Variants in GPBP1 observed in about 807,000 individuals in gnomAD.
The protein encoded by GPBP1 is GC-rich promoter binding protein 1, also known as vasculin.
A neutral mutation model predicts 56.5 loss-of-function variants in GPBP1; 13 were observed. That is an observed-to-expected ratio of 0.23 (90% CI 0.15 to 0.37). GPBP1 has a LOEUF of 0.37. GPBP1 is among the 10% of genes least tolerant of loss of function. GPBP1 has a pLI of 1.00. For missense variants in GPBP1, 477 were observed against 572.3 expected, an observed-to-expected ratio of 0.83 and a Z score of 1.70; for synonymous variants, 204 against 188.9, an observed-to-expected ratio of 1.08 and a Z score of -0.66.
chr5:57,181,854 T>C (rs1453405422), intron 2 of GPBP1, among the ~76,000 whole-genome samples: 5 of 152,214 alleles, frequency 3.3e-5, no homozygotes, highest in African/African-American at 1.2e-4. Flanking sequence ...GGTAAACTGT[T>C]TTGTGGTTGT....
chr5:57,177,754 G>A (rs1753855010), intron 2 of GPBP1, among the ~76,000 whole-genome samples: 1 of 144,530 alleles, frequency 6.9e-6, no homozygotes, highest in Middle Eastern at 3.2e-3. Flanking sequence ...TTGCGCCTTG[G>A]CTTCCCAAAG....
In GPBP1 at chr5:57,230,917, A is replaced by G. The variant is rs746922945; in HGVS notation, c.135A>G (p.Arg45=). The change falls in exon 4 of 12, where the codon CGA becomes CGG. Residue 45 remains arginine (R), a synonymous_variant. Coordinates refer to ENST00000506184, the MANE Select transcript of GPBP1 (RefSeq NM_022913.4). ...WTENRYDVNR[R]RHNSSDGFDS... ...AGAATCGTTATGATGTGAACCGTCG[A>G]CGACACAACTCTTCAGATGGCTTTG... The G allele has an allele frequency of 2.5e-6, 4 of 1,612,710 alleles. No individual in the cohort carries two copies. The Admixed American group carries it at 6.7e-5, about 27-fold the overall frequency.
chr5:57,213,379 A>AC (rs1402725978), intron 2 of GPBP1, among the ~76,000 whole-genome samples: 1 of 151,738 alleles, frequency 6.6e-6, no homozygotes, highest in Admixed American at 6.6e-5. Flanking sequence ...CATCATAACC[A>AC]CCACACCATT....
At chr5:57,258,830 G>A (rs775998839) in intron 10 of GPBP1, among the ~76,000 whole-genome samples, 2 of 152,134 alleles carry the variant, frequency 1.3e-5, no homozygotes, top group Non-Finnish European at 2.9e-5. Context: ...ACAGCCTCTG[G>A]TGGAGAAGTA....
intron 5 of GPBP1, among the ~76,000 whole-genome samples, 161 bp from the exon 6 acceptor site, chr5:57,235,805 C>T (rs1270791948): frequency 2.0e-5 from 3 of 152,146 alleles, no homozygotes; most frequent in Admixed American, 6.5e-5. Flanking sequence ...CACTGGCACT[C>T]AAAAAGTTTC....
chr5:57,217,630 G>GTAAC (rs1755756243), intron 3 of GPBP1, among the ~76,000 whole-genome samples: 1 of 152,134 alleles, frequency 6.6e-6, no homozygotes, highest in Non-Finnish European at 1.5e-5. Flanking sequence ...AGATCTACCT[G>GTAAC]TAACTGTCTA....
intron 9 of GPBP1, among the ~76,000 whole-genome samples, chr5:57,250,534 G>A (rs1189791914): frequency 4.1e-5 from 6 of 145,644 alleles, no homozygotes; most frequent in Non-Finnish European, 6.0e-5. Flanking sequence ...TAAGTATTAC[G>A]TTTATGGTTG....
rs185401257 is a variant in GPBP1 at position 57,262,916 on chromosome 5, G to T, written c.*164G>T. The T allele has an allele frequency of 5.1e-6, 3 of 583,768 alleles. No individual in the cohort carries two copies. The East Asian group carries it at 8.7e-5, about 17-fold the overall frequency. The allele number at this position is 583,768 out of a possible 1,614,324, so 36.2% of individuals were successfully genotyped here. A position where few individuals can be genotyped will look rare whatever the true frequency, so the allele number is the denominator to read the frequency against. On this transcript the variant is annotated 3_prime_UTR_variant, in exon 12 of 12. Coordinates refer to ENST00000506184, the MANE Select transcript of GPBP1 (RefSeq NM_022913.4). ...AAGAAAACCAAGAATGTTTTGTTGG[G>T]CTGTGTTGAACATTATTTCTTTGTA...
rs925902096 is a variant in GPBP1 at position 57,247,207 on chromosome 5, G to C, written c.796G>C (p.Val266Leu). ...AKNFSPSTNS[V>L]KECNRSNSSS... The stretch of plus-strand genomic sequence containing the variant: ...GAACTTTAGTCCATCTACAAATTCA[G>C]TGAAAGAGGTATGACATTAAAAATC... Residue 266 changes from valine to leucine, a missense_variant, in exon 8 of 12, where the codon GTG (valine) becomes CTG (leucine). Physicochemically the swap from Val to Leu is conservative, Grantham distance 32. Transcript: ENST00000506184. 9.3e-6 allele frequency: 15 copies of C among 1,612,012 alleles called. No individual in the cohort carries two copies. Among genetic ancestry groups the C allele is most frequent in the African/African-American group, 5.3e-5 (4 of 74,822 alleles).
intron 7 of GPBP1, 126 bp downstream of exon 7, chr5:57,246,610 C>A: frequency 1.5e-6 from 1 of 652,214 alleles, no homozygotes; most frequent in Non-Finnish European, 2.5e-6. Flanking sequence ...TTCTAGGTGG[C>A]AAGAGTTGAC....
chr5:57,253,204 C>A (rs529350066), intron 10 of GPBP1, among the ~76,000 whole-genome samples: 31 of 152,290 alleles, frequency 2.0e-4, no homozygotes, highest in African/African-American at 7.5e-4. Context: ...TAAATAACCA[C>A]ATGGTTCGGC....
rs193186035 is a variant in GPBP1 at position 57,214,519 on chromosome 5, A to T, written c.63+326A>T. ...AGAATCACTTGAATCTGGGAGGCAG[A>T]GGTTGTGGTGAGCTGAGGTCGCGCC... On this transcript the variant is annotated intron_variant, in intron 3 of 11. Coordinates refer to ENST00000506184, the MANE Select transcript of GPBP1 (RefSeq NM_022913.4). Among the ~76,000 whole-genome samples the T allele has an allele frequency of 1.7e-3, 256 of 152,260 alleles. 3 individuals are homozygous for T. Among genetic ancestry groups the T allele is most frequent in the Admixed American group, 0.013 (203 of 15,296 alleles).
At chr5:57,261,695 G>T (rs1218125074) in intron 11 of GPBP1, among the ~76,000 whole-genome samples, 6 of 152,102 alleles carry the variant, frequency 3.9e-5, no homozygotes, top group African/African-American at 1.4e-4. Context: ...TGGGGGAGGA[G>T]CAAGAGTGAT....
intron 2 of GPBP1, among the ~76,000 whole-genome samples, chr5:57,181,176 A>C (rs1754027282): frequency 6.6e-6 from 1 of 152,186 alleles, no homozygotes; most frequent in Non-Finnish European, 1.5e-5. Flanking sequence ...TCTACAAAAC[A>C]TAAAAAAAAT....
At chr5:57,188,254 A>AAG (rs1561324524) in intron 2 of GPBP1, among the ~76,000 whole-genome samples, 5 of 151,888 alleles carry the variant, frequency 3.3e-5, no homozygotes, top group Admixed American at 2.6e-4. Flanking sequence ...AAAAAAAAAA[A>AAG]AATGGTTGAA....
intron 2 of GPBP1, among the ~76,000 whole-genome samples, chr5:57,198,060 T>G (rs1347269657): frequency 2.0e-5 from 3 of 152,194 alleles, no homozygotes; most frequent in Non-Finnish European, 4.4e-5. Flanking sequence ...GTCGTTGTTA[T>G]GTTTATGTGT....
chr5:57,174,656 C>G (rs1210270391), intron 1 of GPBP1, among the ~76,000 whole-genome samples: 2 of 152,212 alleles, frequency 1.3e-5, no homozygotes, highest in African/African-American at 2.4e-5. Context: ...GCTTTCCCCG[C>G]CTCTCCCAGG....
intron 2 of GPBP1, among the ~76,000 whole-genome samples, chr5:57,176,629 A>G (rs893907736): frequency 1.3e-5 from 2 of 152,232 alleles, no homozygotes; most frequent in African/African-American, 4.8e-5. Flanking sequence ...GTCCTAAGCT[A>G]CAAGTTTTTG....
chr5:57,224,337 G>T (rs1756086056), intron 3 of GPBP1, among the ~76,000 whole-genome samples: 1 of 151,484 alleles, frequency 6.6e-6, no homozygotes, highest in Admixed American at 6.6e-5. Flanking sequence ...TTGCCTCCCA[G>T]GTTCAAGCAT....
Sources: allele counts gnomAD v4.1 joint callset (sites outside exome capture counted in the v4.1 genomes callset), GRCh38; gene constraint gnomAD v4.1.1; transcripts MANE v1.5; gene names NCBI Gene and HGNC (gene_info 2026-07-23, HGNC 2026-07-21).